NAPA: variants seen among roughly 807,000 people sequenced by gnomAD.
The protein encoded by NAPA is alpha-soluble NSF attachment protein.
NAPA carries 18 observed loss-of-function variants against 48.0 expected under a neutral mutation model. The ratio of observed to expected loss-of-function variants is 0.38; its 90% confidence interval spans 0.26 to 0.56. The LOEUF (loss-of-function observed/expected upper bound fraction) is 0.56. Among genes scored for constraint, NAPA ranks in the 20% least tolerant of loss-of-function variants. NAPA has a pLI of 0.77. For synonymous variants in NAPA, 152 were observed against 149.9 expected (o/e 1.01, Z -0.10); for missense variants, 315 against 385.0 (o/e 0.82, Z 1.52).
intron 9 of NAPA, among the ~76,000 whole-genome samples, chr19:47,490,183 AGT>A (rs560196682): frequency 1.9e-4 from 20 of 103,378 alleles, no homozygotes; most frequent in East Asian, 2.9e-4. Flanking sequence ...TGGTGTGTGT[AGT>A]GTGTGTGCAA....
Position 47,494,407 on chromosome 19 carries a change from G to A in NAPA, c.343-914C>T, listed in dbSNP as rs150345451. Among the ~76,000 whole-genome samples, 152 of 152,232 alleles carry A rather than the reference G, an allele frequency of 1.0e-3. 2 individuals carry two copies. Among genetic ancestry groups the A allele is most frequent in the African/African-American group, 3.4e-3 (141 of 41,540 alleles). On this transcript the variant is annotated intron_variant, in intron 4 of 10. Coordinates refer to ENST00000263354, the MANE Select transcript of NAPA (RefSeq NM_003827.4). ...GGGTAGGGCTCGTGTCCCTGCCTGG[G>A]GTTGGAGGGCTGAGACAGACAGGGC...
chr19:47,491,967 G>T, intron 8 of NAPA, 48 bp downstream of exon 8: 1 of 1,545,956 alleles, frequency 6.5e-7, no homozygotes, highest in Non-Finnish European at 8.9e-7. Context: ...CTGGAGATAA[G>T]CACATGGTGG....
At chr19:47,487,299 G>A (rs1406643800), downstream of NAPA, among the ~76,000 whole-genome samples, 1 of 152,226 alleles carries the variant, frequency 6.6e-6, no homozygotes, top group Non-Finnish European at 1.5e-5. Context: ...CTCATCCAAA[G>A]CAGTCATGAG....
chr19:47,503,486 C>G lies in NAPA; in HGVS notation c.115G>C (p.Glu39Gln), dbSNP rs1968627162. 1 of 1,614,186 alleles carries G rather than the reference C, an allele frequency of 6.2e-7. No homozygotes were observed. Among genetic ancestry groups the G allele is most frequent in the South Asian group, 1.1e-5 (1 of 91,078 alleles). Residue 39 changes from glutamate to glutamine, a missense_variant, in exon 2 of 11, where the codon GAG (glutamate) becomes CAG (glutamine). By Grantham distance (29) the Glu-to-Gln change is conservative. Coordinates refer to ENST00000263354, the MANE Select transcript of NAPA (RefSeq NM_003827.4). ...CTGGCGTAGATTTCGCATGCTTCCTCTATTTTGGATGAGCCTCTGGGGAAA... is the reference window on the plus strand; with the variant it reads ...CTGGCGTAGATTTCGCATGCTTCCTGTATTTTGGATGAGCCTCTGGGGAAA... ...SGLFGGSSKI[E>Q]EACEIYARAA...
chr19:47,485,205 T>G (rs1599882213), downstream of NAPA, among the ~76,000 whole-genome samples: 1 of 152,174 alleles, frequency 6.6e-6, no homozygotes, highest in East Asian at 1.9e-4. Context: ...TTATTCAGGA[T>G]TCATTGAGCT....
intron 1 of NAPA, chr19:47,512,769 C>T (rs1968829624): frequency 1.3e-5 from 2 of 152,334 alleles, no homozygotes; most frequent in South Asian, 4.1e-4. Flanking sequence ...AATTCGCCAT[C>T]ATGTTCTTCA....
At position 47,492,032 on chromosome 19, in the gene NAPA, CGAT is replaced by C; in HGVS notation, c.646_648del (p.Ile216del). On this transcript the variant is annotated inframe_deletion, in exon 8 of 11. Coordinates refer to ENST00000263354, the MANE Select transcript of NAPA (RefSeq NM_003827.4). ...TGTGCTACCTTGGCGTTGAGCATGTCGATGCAGAAGTGGCAGAGGGCCGCCTTG... is the reference window on the plus strand; with the variant it reads ...TGTGCTACCTTGGCGTTGAGCATGTCGCAGAAGTGGCAGAGGGCCGCCTTG... The C allele has an allele frequency of 6.2e-7, 1 of 1,614,010 alleles. No individual in the cohort carries two copies.
intron 1 of NAPA, among the ~76,000 whole-genome samples, chr19:47,509,232 C>T (rs1468335145): frequency 1.3e-5 from 2 of 150,468 alleles, no homozygotes; most frequent in Non-Finnish European, 2.9e-5. Context: ...GAGAAATACG[C>T]TCAAAGGGGT....
chr19:47,514,864 G>C lies in NAPA; in HGVS notation c.77C>G (p.Ser26Cys). 4 of 1,614,016 alleles carry C rather than the reference G, an allele frequency of 2.5e-6. No individual in the cohort carries two copies. Among genetic ancestry groups the C allele is most frequent in the Non-Finnish European group, 3.4e-6 (4 of 1,179,984 alleles). The change falls in exon 1 of 11, where the codon TCC (serine) becomes TGC (cysteine). Residue 26 changes from serine to cysteine, a missense_variant. By Grantham distance (112) the Ser-to-Cys change is moderately radical (BLOSUM62 -1). This residue lies in a region of NAPA where 173 missense variants were observed against 213.5 expected (regional missense o/e 0.81). Coordinates refer to ENST00000263354, the MANE Select transcript of NAPA (RefSeq NM_003827.4). ...TCACCCAAAGAGGCCAGAGAAGAAG[G>C]ACTGCGAGTTCTTCACTTTGCGCTC... is the stretch of plus-strand genomic sequence containing the variant. The part of the protein sequence containing the change: ...EAERKVKNSQ[S>C]FFSGLFGGSS...
At chr19:47,498,591 G>A (rs1007770491) in intron 3 of NAPA, among the ~76,000 whole-genome samples, 6 of 152,196 alleles carry the variant, frequency 3.9e-5, no homozygotes, top group Admixed American at 1.3e-4. Context: ...TTCTCTGTGA[G>A]GCTTTTTTTT....
At chr19:47,492,681 A>G (rs1288010133) in intron 7 of NAPA, 3 of 574,070 alleles carry the variant, frequency 5.2e-6, no homozygotes, top group Non-Finnish European at 9.8e-6. Flanking sequence ...TGGGTTCTTT[A>G]GCCAGCCTCA....
At chr19:47,514,270 C>A (rs1289098425) in intron 1 of NAPA, among the ~76,000 whole-genome samples, 1 of 152,126 alleles carries the variant, frequency 6.6e-6, no homozygotes, top group Non-Finnish European at 1.5e-5. Context: ...CTGAGCCCCT[C>A]TGCCTGGTGT....
At chr19:47,489,689 G>GCC in intron 10 of NAPA, 22 bp downstream of exon 10, 1 of 1,613,644 alleles carries the variant, frequency 6.2e-7, no homozygotes, top group Non-Finnish European at 8.5e-7. Context: ...AAGGGGCCTG[G>GCC]CCCCCCATGC....
chr19:47,502,057 A>G (rs534632314), intron 2 of NAPA, among the ~76,000 whole-genome samples: 2 of 151,994 alleles, frequency 1.3e-5, no homozygotes, highest in South Asian at 2.1e-4. Context: ...CCTGGACAAC[A>G]TGGTAAAACT....
intron 1 of NAPA, among the ~76,000 whole-genome samples, chr19:47,512,128 G>C (rs1051584025): frequency 4.6e-5 from 7 of 152,054 alleles, no homozygotes; most frequent in African/African-American, 1.7e-4. Flanking sequence ...CCCTGCCAGA[G>C]AGCACCCCAG....
chr19:47,488,378 G>A lies in NAPA; in HGVS notation c.798C>T (p.Tyr266=), dbSNP rs778841606. 16 of 1,612,750 alleles carry A rather than the reference G, an allele frequency of 9.9e-6. No homozygotes were observed. Among genetic ancestry groups the A allele is most frequent in the Middle Eastern group, 1.6e-4 (1 of 6,076 alleles). ...ACTGGTCCAGCCGGGAGATGGAGTC[G>A]TATTCCTTCACCTGAGGGCACACCA... The part of the protein sequence containing the change: ...VDSYTESVKE[Y]DSISRLDQWL... The change falls in exon 11 of 11, where the codon TAC becomes TAT. Residue 266 remains tyrosine, a synonymous_variant. Coordinates refer to ENST00000263354, the MANE Select transcript of NAPA (RefSeq NM_003827.4).
In NAPA at chr19:47,488,149, GACCCCCGGTGCC is replaced by G; in HGVS notation, c.*127_*138del. On this transcript the variant is annotated 3_prime_UTR_variant, in exon 11 of 11. Transcript: ENST00000263354. ...TGGGCCTCTGGCGCCCCTGCATGCT[GACCCCCGGTGCC>G]ACCTGCCCACTGTGGCCCGCGGCAC... is the stretch of plus-strand genomic sequence containing the variant. The G allele has an allele frequency of 1.4e-6, 1 of 719,486 alleles. No individual in the cohort carries two copies. Among genetic ancestry groups the G allele is most frequent in the Non-Finnish European group, 2.3e-6 (1 of 432,776 alleles). 44.6% of individuals were successfully genotyped at this position (719,486 alleles called of 1,614,324 possible). A position where few individuals can be genotyped will look rare whatever the true frequency, so the allele number is the denominator to read the frequency against.
At chr19:47,486,375 A>C (rs1968078319), downstream of NAPA, among the ~76,000 whole-genome samples, 1 of 152,002 alleles carries the variant, frequency 6.6e-6, no homozygotes, top group Non-Finnish European at 1.5e-5. Flanking sequence ...CAAACCCAAA[A>C]ACCCCCAAAG....
chr19:47,485,423 CTG>C (rs925491040), downstream of NAPA, among the ~76,000 whole-genome samples: 5 of 152,194 alleles, frequency 3.3e-5, no homozygotes, highest in Admixed American at 3.3e-4. Context: ...GGGTTCCTGT[CTG>C]TGCTGCTTTG....
Sources: gnomAD v4.1 joint callset for allele counts (sites outside exome capture counted in the v4.1 genomes callset) on GRCh38, gnomAD v4.1.1 for gene constraint, gnomAD v4.1.1 regional missense constraint, MANE v1.5 for transcripts, NCBI Gene and HGNC (gene_info 2026-07-23, HGNC 2026-07-21) for gene names.